Variants in BBOF1 observed in about 807,000 individuals in gnomAD.
BBOF1 encodes the protein basal body orientation factor 1.
In BBOF1, 62 loss-of-function variants were observed where a neutral mutation model predicts 68.0. The ratio of observed to expected loss-of-function variants is 0.91; its 90% CI spans 0.74 to 1.13. BBOF1 has a LOEUF of 1.13. Among genes scored for constraint, BBOF1 ranks in the 50% most tolerant of loss-of-function variants. The pLI is 0.00. For synonymous variants in BBOF1, 208 were observed against 198.8 expected (o/e 1.05, Z -0.39); for missense variants, 534 against 600.1 (o/e 0.89, Z 1.15).
intron 3 of BBOF1, among the ~76,000 whole-genome samples, chr14:74,032,516 C>T (rs1182229379): frequency 2.9e-5 from 4 of 137,242 alleles, no homozygotes; most frequent in African/African-American, 8.3e-5. Flanking sequence ...TTTTTTGAGG[C>T]GGAGTCTTGC....
intron 8 of BBOF1, among the ~76,000 whole-genome samples, chr14:74,050,879 C>T (rs538490299): frequency 9.9e-5 from 15 of 151,568 alleles, no homozygotes; most frequent in Non-Finnish European, 1.5e-4. Flanking sequence ...GAGGCCAAGT[C>T]GGATGGATCA....
rs1275774841 is a variant in BBOF1 at position 74,022,958 on chromosome 14, G to T, written c.99G>T (p.Lys33Asn). ...KTDESVVDRA[K>N]ANASLWEARL... ...ATGAATCTGTGGTGGACAGAGCCAA[G>T]GCCAATGCCTCCCTTTGGGAGGCCA... The change falls in exon 2 of 12, where the codon AAG becomes AAT. Residue 33 changes from lysine to asparagine, a missense_variant. Transcript: ENST00000394009. 6.2e-7 allele frequency: 1 copy of T among 1,613,276 alleles called. No individual in the cohort carries two copies. Among genetic ancestry groups the T allele is most frequent in the African/African-American group, 1.3e-5 (1 of 74,930 alleles).
Position 74,064,798 on chromosome 14 carries a change from C to A in BBOF1, c.*99C>A. ...TAAGAAAATTTCTTAAAGGAAAAGA[C>A]AAAAAATTTAACTCAAAAGTTACCT... is the stretch of plus-strand genomic sequence containing the variant. On this transcript the variant is annotated 3_prime_UTR_variant, in exon 12 of 12. Transcript: ENST00000394009. 1.2e-6 allele frequency: 2 copies of A among 1,612,952 alleles called. No homozygotes were observed. Among genetic ancestry groups the A allele is most frequent in the Non-Finnish European group, 1.7e-6 (2 of 1,179,030 alleles).
intron 9 of BBOF1, among the ~76,000 whole-genome samples, chr14:74,072,881 C>G (rs1203228015): frequency 6.6e-6 from 1 of 151,698 alleles, no homozygotes; most frequent in African/African-American, 2.4e-5. Context: ...CTCACTGCAA[C>G]CTCTGATTCC....
intron 11 of BBOF1, among the ~76,000 whole-genome samples, chr14:74,064,305 A>G (rs111313289): frequency 6.8e-6 from 1 of 147,004 alleles, no homozygotes; most frequent in African/African-American, 2.5e-5. Context: ...CTCAAAAAAA[A>G]AAAAAATAAT....
At chr14:74,024,760 C>G (rs2059387554) in intron 2 of BBOF1, among the ~76,000 whole-genome samples, 1 of 152,128 alleles carries the variant, frequency 6.6e-6, no homozygotes, top group Admixed American at 6.6e-5. Context: ...GCCACCATGC[C>G]TGGCTGATTT....
rs112493986 is a variant in BBOF1 at position 74,034,162 on chromosome 14, G to A, written c.486G>A (p.Glu162=). The stretch of plus-strand genomic sequence containing the variant: ...AGAGAAAAATCCAAGTGGAGAGAGA[G>A]TTAGATGATGTAAGTTTCATTCCTT... ...FQKRKIQVER[E]LDDLKENLRN... Residue 162 remains glutamate (E), a synonymous_variant, in exon 4 of 12, where the codon GAG becomes GAA. Coordinates refer to ENST00000394009, the MANE Select transcript of BBOF1 (RefSeq NM_025057.3). 2 of 1,559,752 alleles carry A rather than the reference G, an allele frequency of 1.3e-6. No homozygotes were observed. Among genetic ancestry groups the A allele is most frequent in the South Asian group, 1.2e-5 (1 of 81,764 alleles).
At chr14:74,072,577 A>G (rs775858979) in intron 9 of BBOF1, 29 of 1,614,026 alleles carry the variant, frequency 1.8e-5, no homozygotes, top group Non-Finnish European at 2.4e-5. Flanking sequence ...TTTGGATTCA[A>G]CGAATTTCCC....
At chr14:74,053,663 T>G (rs974943237) in intron 8 of BBOF1, among the ~76,000 whole-genome samples, 2 of 150,908 alleles carry the variant, frequency 1.3e-5, no homozygotes, top group Non-Finnish European at 2.9e-5. Flanking sequence ...CACCTTGGCC[T>G]CCCAAAGCTC....
In BBOF1 at chr14:74,064,715, A is replaced by T. The variant is rs988903627; in HGVS notation, c.*16A>T. On this transcript the variant is annotated 3_prime_UTR_variant, in exon 12 of 12. Transcript: ENST00000394009. ...AACCTTCTGAGAAGCACTGATTATG[A>T]CCTCACAGATGCTGCTGGCAGTCCC... 6.2e-7 allele frequency: 1 copy of T among 1,613,848 alleles called. No homozygotes were observed. The highest frequency in any genetic ancestry group is 8.5e-7 in the Non-Finnish European group (1 of 1,179,754).
At chr14:74,068,341 T>G (rs894201990), downstream of BBOF1, among the ~76,000 whole-genome samples, 3 of 151,588 alleles carry the variant, frequency 2.0e-5, no homozygotes, top group African/African-American at 7.3e-5. Flanking sequence ...ATGGCACCAC[T>G]GCACTCTAGC....
chr14:74,024,890 A>G (rs2059390672), intron 2 of BBOF1, among the ~76,000 whole-genome samples: 1 of 152,122 alleles, frequency 6.6e-6, no homozygotes, highest in South Asian at 2.1e-4. Flanking sequence ...GGCATGAGCA[A>G]TAGCACCTGG....
chr14:74,026,922 C>T (rs112220549), intron 2 of BBOF1, among the ~76,000 whole-genome samples: 4 of 147,204 alleles, frequency 2.7e-5, no homozygotes, highest in African/African-American at 1.0e-4. Flanking sequence ...GAGACTCCAT[C>T]TCAAAAGGAA....
At chr14:74,069,106 T>TTC (rs1457950112), downstream of BBOF1, 46 of 1,015,692 alleles carry the variant, frequency 4.5e-5, no homozygotes, top group East Asian at 6.3e-4. Context: ...TTTTTCTTTT[T>TTC]TTTTTTTTTT....
rs946402369 is a variant in BBOF1, at chr14:74,023,274, A to G, written c.285+130A>G. The stretch of plus-strand genomic sequence containing the variant: ...ACTTAAGACATTTCAATTGACCTTA[A>G]CTCTGTTTGAAGCAAGACACTTTTT... On this transcript the variant is annotated intron_variant, in intron 2 of 11. Transcript: ENST00000394009. The G allele has an allele frequency of 4.8e-5, 26 of 536,258 alleles. No individual in the cohort carries two copies. In the Admixed American group the frequency reaches 8.2e-4, roughly 17 times the overall value. 33.2% of individuals were successfully genotyped at this position (536,258 alleles called of 1,614,324 possible).
downstream of BBOF1, among the ~76,000 whole-genome samples, chr14:74,066,271 T>G (rs964266511): frequency 6.6e-6 from 1 of 152,188 alleles, no homozygotes; most frequent in Non-Finnish European, 1.5e-5. Flanking sequence ...CTGCCTGTTT[T>G]TGTACAGCCC....
chr14:74,082,544 C>T (rs938491878), intron 12 of BBOF1, among the ~76,000 whole-genome samples: 54 of 151,872 alleles, frequency 3.6e-4, no homozygotes, highest in African/African-American at 1.2e-4. Flanking sequence ...GGATTACAGT[C>T]GCCCGCCACC....
intron 5 of BBOF1, among the ~76,000 whole-genome samples, chr14:74,042,170 T>C (rs1289188738): frequency 6.6e-6 from 1 of 152,218 alleles, no homozygotes. Context: ...CTACCATGCC[T>C]TGCTCCTATG....
intron 2 of BBOF1, among the ~76,000 whole-genome samples, chr14:74,023,777 A>G (rs1186414210): frequency 1.3e-5 from 2 of 151,914 alleles, no homozygotes; most frequent in Admixed American, 6.6e-5. Context: ...TTAACCGGGC[A>G]TGGCTGCATG....
Sources: allele counts gnomAD v4.1 joint callset (sites outside exome capture counted in the v4.1 genomes callset), GRCh38; gene constraint gnomAD v4.1.1; transcripts MANE v1.5; gene names NCBI Gene and HGNC (gene_info 2026-07-23, HGNC 2026-07-21).